The following DUOX1 variants were observed in gnomAD, a reference collection of about 807,000 sequenced individuals.
DUOX1 encodes dual oxidase 1, also known as NADPH thyroid oxidase 1.
DUOX1 carries 134 observed loss-of-function variants against 181.8 expected under a neutral mutation model. The observed-to-expected ratio is 0.74, with a 90% CI of 0.64 to 0.85. DUOX1 has a LOEUF of 0.85. DUOX1 is among the 40% of genes least tolerant of loss of function. The pLI is 0.00. For synonymous variants in DUOX1, 798 were observed against 832.5 expected, an observed-to-expected ratio of 0.96 and a Z score of 0.71; for missense variants, 1,814 against 2,064.4, an observed-to-expected ratio of 0.88 and a Z score of 2.35.
In DUOX1 at chr15:45,138,100, G is replaced by GTGTGTA. The variant is rs1896382232; in HGVS notation, c.1113+91_1113+92insATGTGT. 8 of 1,060,628 alleles carry GTGTGTA rather than the reference G, an allele frequency of 7.5e-6. No individual in the cohort carries two copies. In the South Asian group the frequency reaches 1.0e-4, roughly 14 times the overall value. 65.7% of individuals were successfully genotyped at this position (1,060,628 alleles called of 1,614,324 possible). ...TGTATGTGTGTGTGTGTGTGTGTGT[G>GTGTGTA]TGTGTGAGTGCATGGTGAAAGTGGT... On this transcript the variant is annotated intron_variant, in intron 10 of 33. Transcript: ENST00000389037.
Position 45,135,144 on chromosome 15 carries a change from C to G in DUOX1, c.348C>G (p.Pro116=), listed in dbSNP as rs776775970. Residue 116 remains proline, a synonymous_variant, in exon 5 of 34, where the codon CCC becomes CCG. Coordinates refer to ENST00000389037, the MANE Select transcript of DUOX1 (RefSeq NM_175940.3). ...VLSDLVSVET[P]GCPAEFLNIR... ...CAGACCTGGTGAGCGTGGAAACTCC[C>G]GGCTGCCCCGCCGAGTTCCTCAACA... 1 of 1,613,618 alleles carries G rather than the reference C, an allele frequency of 6.2e-7. No individual in the cohort carries two copies. Among genetic ancestry groups the G allele is most frequent in the Non-Finnish European group, 8.5e-7 (1 of 1,179,916 alleles).
At chr15:45,161,046 G>A in intron 29 of DUOX1, 56 bp downstream of exon 29, 2 of 1,610,030 alleles carry the variant, frequency 1.2e-6, no homozygotes, top group Admixed American at 1.7e-5. Context: ...ACCGGGCAGA[G>A]GCAGAGTCTA....
At chr15:45,134,081 G>A in intron 3 of DUOX1, 64 bp from the exon 4 acceptor site, 3 of 1,539,652 alleles carry the variant, frequency 1.9e-6, no homozygotes, top group Non-Finnish European at 2.6e-6. Context: ...AGGAAAGCCT[G>A]GGAGAGAGGG....
At chr15:45,139,363 C>T in intron 11 of DUOX1, 64 bp from the exon 12 acceptor site, 1 of 1,594,038 alleles carries the variant, frequency 6.3e-7, no homozygotes, top group South Asian at 1.1e-5. Flanking sequence ...GAGCTTGGGG[C>T]CTGGACTGGA....
At chr15:45,155,622 T>A (rs1896952105) in intron 27 of DUOX1, 180 bp from the exon 28 acceptor site, 1 of 722,538 alleles carries the variant, frequency 1.4e-6, no homozygotes, top group Non-Finnish European at 2.2e-6. Context: ...AAGTGAACAA[T>A]GTCTGCTGAA....
chr15:45,148,006 T>C lies in DUOX1; in HGVS notation c.2642+9T>C, dbSNP rs1310842258. The C allele has an allele frequency of 6.2e-6, 10 of 1,610,854 alleles. No individual in the cohort carries two copies. Among genetic ancestry groups the C allele is most frequent in the Non-Finnish European group, 6.8e-6 (8 of 1,177,108 alleles). On this transcript the variant is annotated intron_variant, in intron 20 of 33. Transcript: ENST00000389037. ...TTCATCAGGATGCTGAGGTTTGTTC[T>C]CTGGGACAGCCAGGAGAATGGGCCA...
chr15:45,133,929 C>T lies in DUOX1; in HGVS notation c.124C>T (p.His42Tyr), dbSNP rs1896216098. 1.9e-6 allele frequency: 3 copies of T among 1,613,810 alleles called. No individual in the cohort carries two copies. Among genetic ancestry groups the T allele is most frequent in the East Asian group, 4.5e-5 (2 of 44,882 alleles). ...TGGGTGGTACAACAACCTCATGGAGCACAGATGGGGCAGCAAAGGTAAGTG... is the reference window on the plus strand; with the variant it reads ...TGGGTGGTACAACAACCTCATGGAGTACAGATGGGGCAGCAAAGGTAAGTG... ...FDGWYNNLMEHRWGSKGSRLQ... is the reference protein window; with the variant it reads ...FDGWYNNLMEYRWGSKGSRLQ... Residue 42 changes from histidine (H) to tyrosine (Y), a missense_variant, in exon 3 of 34, where the codon CAC (histidine) becomes TAC (tyrosine). His to Tyr is a moderately conservative substitution (Grantham distance 83). Around this residue, in one of 5 missense-constraint regions of DUOX1, gnomAD observed 320 missense variants for 313.1 expected, o/e 1.02. Transcript: ENST00000389037.
At position 45,135,805 on chromosome 15, in the gene DUOX1, C is replaced by A. The variant is rs1318301330; in HGVS notation, c.721C>A (p.Arg241=). ...LYAFGAERGN[R]EPFLQALGLL... Reference sequence around the variant, plus strand: ...AGCCTTCGGGGCAGAGAGAGGGAACCGGGAACCCTTCCTGCAGGCGCTGGG... The same window carrying A: ...AGCCTTCGGGGCAGAGAGAGGGAACAGGGAACCCTTCCTGCAGGCGCTGGG... Residue 241 remains arginine (R), a synonymous_variant, in exon 7 of 34, where the codon CGG becomes AGG. Coordinates refer to ENST00000389037, the MANE Select transcript of DUOX1 (RefSeq NM_175940.3). 23 of 1,446,644 alleles carry A rather than the reference C, an allele frequency of 1.6e-5. No homozygotes were observed. Among genetic ancestry groups the A allele is most frequent in the Non-Finnish European group, 2.1e-5 (23 of 1,082,018 alleles). The allele number at this position is 1,446,644 out of a possible 1,614,324, so 89.6% of individuals were successfully genotyped here. A position where few individuals can be genotyped will look rare whatever the true frequency, so the allele number is the denominator to read the frequency against.
At chr15:45,148,950 G>C (rs946623143) in intron 21 of DUOX1, among the ~76,000 whole-genome samples, 5 of 152,030 alleles carry the variant, frequency 3.3e-5, no homozygotes, top group African/African-American at 1.2e-4. Context: ...ATATCTCCTG[G>C]CTGAGTGCTC....
At chr15:45,160,192 A>T (rs1459461783) in intron 28 of DUOX1, among the ~76,000 whole-genome samples, 1 of 152,154 alleles carries the variant, frequency 6.6e-6, no homozygotes, top group African/African-American at 2.4e-5. Flanking sequence ...ATGACAACGC[A>T]TGCACTAAGA....
At chr15:45,155,228 C>T (rs2141295380) in intron 27 of DUOX1, among the ~76,000 whole-genome samples, 1 of 152,232 alleles carries the variant, frequency 6.6e-6, no homozygotes, top group South Asian at 2.1e-4. Flanking sequence ...TCTTGAGAAC[C>T]CGAGAGTCAG....
chr15:45,157,957 C>T (rs943832682), intron 28 of DUOX1, among the ~76,000 whole-genome samples: 19 of 152,084 alleles, frequency 1.2e-4, no homozygotes, highest in Non-Finnish European at 1.5e-5. Context: ...TTGTCCCAGG[C>T]GTGACCACTT....
Position 45,138,027 on chromosome 15 carries a change from G to T in DUOX1, c.1113+13G>T. ...CTGGAGCCGTGAGGTCCGAGCTGGG[G>T]GCCACATATGTGGTGGATGTGTGTG... is the stretch of plus-strand genomic sequence containing the variant. On this transcript the variant is annotated intron_variant, in intron 10 of 33. Coordinates refer to ENST00000389037, the MANE Select transcript of DUOX1 (RefSeq NM_175940.3). The T allele has an allele frequency of 6.3e-7, 1 of 1,597,720 alleles. No individual in the cohort carries two copies. Among genetic ancestry groups the T allele is most frequent in the East Asian group, 2.3e-5 (1 of 44,252 alleles).
intron 9 of DUOX1, among the ~76,000 whole-genome samples, chr15:45,137,695 G>C (rs1262041212): frequency 6.6e-6 from 1 of 152,088 alleles, no homozygotes; most frequent in African/African-American, 2.4e-5. Context: ...GTCAGAGAGA[G>C]AGTGTGTGTG....
chr15:45,146,879 A>G (rs55675432), intron 18 of DUOX1, among the ~76,000 whole-genome samples: 36,848 of 152,142 alleles, frequency 0.24, 5,043 homozygotes, highest in South Asian at 0.47. Flanking sequence ...GATGGCCACA[A>G]TGAGAATTCC....
chr15:45,150,835 C>G, intron 22 of DUOX1, 134 bp downstream of exon 22: 1 of 890,596 alleles, frequency 1.1e-6, no homozygotes, highest in East Asian at 2.6e-5. Flanking sequence ...ACCCCTTTCT[C>G]TAGGCAGACA....
chr15:45,143,351 C>G (rs372041230), intron 16 of DUOX1, 48 bp downstream of exon 16: 452 of 1,481,528 alleles, frequency 3.1e-4, no homozygotes, highest in Non-Finnish European at 3.7e-4. Context: ...CATGGCTCAG[C>G]GCTACAGCTA....
At chr15:45,157,887 G>A (rs1274428572) in intron 28 of DUOX1, among the ~76,000 whole-genome samples, 1 of 151,922 alleles carries the variant, frequency 6.6e-6, no homozygotes, top group Admixed American at 6.6e-5. Flanking sequence ...ATCCTCACCA[G>A]CAGTTTGGGA....
Position 45,136,597 on chromosome 15 carries a change from A to T in DUOX1, c.994A>T (p.Thr332Ser). ...FVAASEQFLS[T>S]MVPPGVYMRN... Reference sequence around the variant, plus strand: ...GGCGGCCTCTGAGCAGTTCCTGTCCACCATGGTGCCCCCTGGCGTCTACAT... The same window carrying T: ...GGCGGCCTCTGAGCAGTTCCTGTCCTCCATGGTGCCCCCTGGCGTCTACAT... Residue 332 changes from threonine (T) to serine (S), a missense_variant, in exon 9 of 34, where the codon ACC becomes TCC. Transcript: ENST00000389037. 6.2e-7 allele frequency: 1 copy of T among 1,614,024 alleles called. No homozygotes were observed. Among genetic ancestry groups the T allele is most frequent in the Non-Finnish European group, 8.5e-7 (1 of 1,179,994 alleles).
Sources: gnomAD v4.1 joint callset for allele counts (sites outside exome capture counted in the v4.1 genomes callset) on GRCh38, gnomAD v4.1.1 for gene constraint, gnomAD v4.1.1 regional missense constraint, MANE v1.5 for transcripts, NCBI Gene and HGNC (gene_info 2026-07-23, HGNC 2026-07-21) for gene names.